Variants in PDCD1LG2 observed in about 807,000 individuals in gnomAD.
PDCD1LG2 encodes the protein B7 dendritic cell molecule.
A neutral mutation model predicts 28.2 loss-of-function variants in PDCD1LG2; 32 were observed. That is an observed-to-expected ratio of 1.13 (90% CI 0.86 to 1.52). The LOEUF is 1.52. Ranked by LOEUF, PDCD1LG2 falls within the 40% of genes most tolerant of loss-of-function variation. The pLI is 0.00. For missense variants in PDCD1LG2, 385 were observed against 323.8 expected (o/e 1.19, Z -1.45); for synonymous variants, 116 against 120.2 (o/e 0.97, Z 0.23).
chr9:5,526,209 A>G (rs566264180), intron 2 of PDCD1LG2, among the ~76,000 whole-genome samples: 107 of 152,284 alleles, frequency 7.0e-4, no homozygotes, highest in Non-Finnish European at 1.2e-3. Context: ...TATTTTGAAA[A>G]TTTATTTAAA....
At chr9:5,537,867 C>A (rs1286587874) in intron 3 of PDCD1LG2, among the ~76,000 whole-genome samples, 1 of 151,930 alleles carries the variant, frequency 6.6e-6, no homozygotes, top group Non-Finnish European at 1.5e-5. Context: ...TACCCTAAAA[C>A]TTACTGTTAA....
At chr9:5,549,968 T>A (rs1816297425) in intron 4 of PDCD1LG2, among the ~76,000 whole-genome samples, 1 of 152,186 alleles carries the variant, frequency 6.6e-6, no homozygotes, top group East Asian at 1.9e-4. Context: ...CACCTCCCAT[T>A]GGCTGAACCC....
chr9:5,539,984 A>C (rs907966956), intron 3 of PDCD1LG2, among the ~76,000 whole-genome samples: 27 of 152,356 alleles, frequency 1.8e-4, no homozygotes, highest in Admixed American at 1.4e-3. Flanking sequence ...GATAGACTAT[A>C]TAGTAGGCCA....
chr9:5,532,785 T>C (rs555131399), intron 2 of PDCD1LG2, among the ~76,000 whole-genome samples: 109 of 152,312 alleles, frequency 7.2e-4, no homozygotes, highest in Admixed American at 1.5e-3. Context: ...AATTACCACT[T>C]TCCCAAGAAT....
chr9:5,555,666 C>T (rs1474915902), intron 4 of PDCD1LG2, among the ~76,000 whole-genome samples: 1 of 152,154 alleles, frequency 6.6e-6, no homozygotes, highest in African/African-American at 2.4e-5. Flanking sequence ...GTTGCTCTGC[C>T]ATTCTCCAGG....
At chr9:5,527,880 G>C (rs1343906297) in intron 2 of PDCD1LG2, among the ~76,000 whole-genome samples, 1 of 151,846 alleles carries the variant, frequency 6.6e-6, no homozygotes, top group African/African-American at 2.4e-5. Context: ...CCAGGCTAAA[G>C]TGCAATGCCG....
chr9:5,536,006 G>C (rs553077962), intron 3 of PDCD1LG2, among the ~76,000 whole-genome samples: 24 of 152,242 alleles, frequency 1.6e-4, no homozygotes, highest in South Asian at 1.5e-3. Flanking sequence ...CCCCTCCCAC[G>C]CATTGGACCT....
At chr9:5,530,282 C>A (rs922065998) in intron 2 of PDCD1LG2, among the ~76,000 whole-genome samples, 2 of 152,020 alleles carry the variant, frequency 1.3e-5, no homozygotes, top group Non-Finnish European at 2.9e-5. Flanking sequence ...AAGTCTTTTG[C>A]CCTTTAGTTT....
At chr9:5,543,657 C>T (rs1402253949) in intron 3 of PDCD1LG2, among the ~76,000 whole-genome samples, 7 of 152,044 alleles carry the variant, frequency 4.6e-5, no homozygotes, top group Admixed American at 2.6e-4. Context: ...ACGTTTAAGC[C>T]TCTAAGGCCC....
chr9:5,513,832 T>C (rs1820106270), intron 1 of PDCD1LG2, among the ~76,000 whole-genome samples: 1 of 152,202 alleles, frequency 6.6e-6, no homozygotes. Context: ...TCTAATACAA[T>C]GGAAAATGGT....
intron 1 of PDCD1LG2, among the ~76,000 whole-genome samples, chr9:5,521,426 A>G (rs1325404025): frequency 6.6e-6 from 1 of 152,202 alleles, no homozygotes; most frequent in Non-Finnish European, 1.5e-5. Flanking sequence ...TTATACTTTA[A>G]TAAAGCTGTT....
intron 2 of PDCD1LG2, among the ~76,000 whole-genome samples, chr9:5,529,018 T>C (rs1055342408): frequency 1.3e-5 from 2 of 152,232 alleles, no homozygotes; most frequent in African/African-American, 4.8e-5. Flanking sequence ...TGTGAGCCAC[T>C]GCCACGACCT....
intron 4 of PDCD1LG2, among the ~76,000 whole-genome samples, chr9:5,556,891 T>C (rs1211716725): frequency 6.6e-6 from 1 of 152,212 alleles, no homozygotes; most frequent in East Asian, 1.9e-4. Flanking sequence ...TACAAGGCTT[T>C]CCCCAGCCTC....
At chr9:5,537,605 C>A (rs934030350) in intron 3 of PDCD1LG2, among the ~76,000 whole-genome samples, 1 of 152,156 alleles carries the variant, frequency 6.6e-6, no homozygotes, top group Non-Finnish European at 1.5e-5. Flanking sequence ...TGGAAACCAT[C>A]ATTCTCAGCA....
At chr9:5,561,173 A>G (rs972086095) in intron 5 of PDCD1LG2, among the ~76,000 whole-genome samples, 1 of 152,176 alleles carries the variant, frequency 6.6e-6, no homozygotes, top group Non-Finnish European at 1.5e-5. Context: ...GCTCTTTTTA[A>G]GTTAAATAAA....
chr9:5,525,216 G>C (rs1443036926), intron 2 of PDCD1LG2, among the ~76,000 whole-genome samples: 1 of 151,962 alleles, frequency 6.6e-6, no homozygotes, highest in Non-Finnish European at 1.5e-5. Flanking sequence ...GGGCATGGTG[G>C]TGGCCACCTA....
At chr9:5,534,471 G>T (rs765316462) in intron 2 of PDCD1LG2, among the ~76,000 whole-genome samples, 2 of 152,214 alleles carry the variant, frequency 1.3e-5, no homozygotes, top group Non-Finnish European at 2.9e-5. Flanking sequence ...TCCACCAGAA[G>T]CTCTTGCTGG....
intron 5 of PDCD1LG2, among the ~76,000 whole-genome samples, chr9:5,561,046 AGT>A (rs1458605823): frequency 2.6e-5 from 4 of 152,154 alleles, no homozygotes; most frequent in Admixed American, 1.3e-4. Flanking sequence ...ATATATGCCC[AGT>A]GTCTAAAAAA....
At chr9:5,539,901 A>T (rs1299105473) in intron 3 of PDCD1LG2, among the ~76,000 whole-genome samples, 1 of 152,230 alleles carries the variant, frequency 6.6e-6, no homozygotes, top group African/African-American at 2.4e-5. Context: ...GACTTAACAG[A>T]TATTTACAGA....
Sources: allele counts gnomAD v4.1 joint callset (sites outside exome capture counted in the v4.1 genomes callset), GRCh38; gene constraint gnomAD v4.1.1; transcripts MANE v1.5; gene names NCBI Gene and HGNC (gene_info 2026-07-23, HGNC 2026-07-21).